Variants in DSCAM observed in about 807,000 individuals in gnomAD.
DSCAM encodes DS cell adhesion molecule, also known as cell adhesion molecule DSCAM.
In DSCAM, 47 loss-of-function variants were observed where a neutral mutation model predicts 217.7. The observed-to-expected ratio is 0.22, with a 90% CI of 0.17 to 0.28. DSCAM has a LOEUF of 0.28. Ranked by LOEUF, DSCAM falls within the 10% of genes least tolerant of loss-of-function variation. DSCAM has a pLI of 1.00. For synonymous variants in DSCAM, 1,056 were observed against 1,015.3 expected (o/e 1.04, Z -0.76); for missense variants, 2,080 against 2,618.3 (o/e 0.79, Z 4.49).
intron 3 of DSCAM, among the ~76,000 whole-genome samples, chr21:40,630,408 C>T (rs188485177): frequency 2.0e-5 from 3 of 152,250 alleles, no homozygotes; most frequent in East Asian, 3.9e-4. Context: ...AAGAGATTCT[C>T]GTGCCTCAGC....
chr21:40,398,501 C>T (rs1218782502), intron 3 of DSCAM, among the ~76,000 whole-genome samples: 1 of 151,866 alleles, frequency 6.6e-6, no homozygotes, highest in Non-Finnish European at 1.5e-5. Flanking sequence ...ATGATTGGAG[C>T]TGGACTTAAA....
At chr21:40,170,457 C>A (rs1354560301) in intron 15 of DSCAM, among the ~76,000 whole-genome samples, 1 of 152,214 alleles carries the variant, frequency 6.6e-6, no homozygotes, top group Non-Finnish European at 1.5e-5. Context: ...TGGAGTGCTA[C>A]AGCCTCTCAG....
chr21:40,784,293 T>C (rs2091573682), intron 1 of DSCAM, among the ~76,000 whole-genome samples: 1 of 152,118 alleles, frequency 6.6e-6, no homozygotes, highest in Non-Finnish European at 1.5e-5. Flanking sequence ...CAAGATCTCA[T>C]GGTTTTATAA....
At chr21:40,667,011 T>C (rs1046513087) in intron 3 of DSCAM, among the ~76,000 whole-genome samples, 5 of 152,174 alleles carry the variant, frequency 3.3e-5, no homozygotes, top group Non-Finnish European at 7.4e-5. Context: ...AGCTGCTTCA[T>C]GTATCCCCAC....
chr21:40,121,998 A>G (rs936313756), intron 20 of DSCAM, among the ~76,000 whole-genome samples: 4 of 152,010 alleles, frequency 2.6e-5, no homozygotes, highest in African/African-American at 9.7e-5. Context: ...GCTGGCCCTC[A>G]TTACTGTCCC....
At chr21:40,718,531 C>G (rs2090867876) in intron 1 of DSCAM, among the ~76,000 whole-genome samples, 1 of 152,156 alleles carries the variant, frequency 6.6e-6, no homozygotes, top group Non-Finnish European at 1.5e-5. Context: ...AGGAAAACTT[C>G]TAACAACCGT....
At chr21:40,337,833 T>C (rs919283672) in intron 8 of DSCAM, among the ~76,000 whole-genome samples, 1 of 152,040 alleles carries the variant, frequency 6.6e-6, no homozygotes, top group African/African-American at 2.4e-5. Flanking sequence ...GATGTGCTCC[T>C]TTTTTTTCTG....
In DSCAM at chr21:40,084,114, GT is replaced by G. The variant is rs1183338725; in HGVS notation, c.4133-109del. 4 of 823,536 alleles carry G rather than the reference GT, an allele frequency of 4.9e-6. No homozygotes were observed. In the East Asian group the frequency reaches 1.2e-4, roughly 24 times the overall value. 51.0% of individuals were successfully genotyped at this position (823,536 alleles called of 1,614,324 possible). ...TTTAACAGCCATTTATTAAATAAGTGTTTCAGTTTGCCAAAATATACAATTC... is the reference window on the plus strand; with the variant it reads ...TTTAACAGCCATTTATTAAATAAGTGTTCAGTTTGCCAAAATATACAATTC... On this transcript the variant is annotated intron_variant, in intron 23 of 32. Coordinates refer to ENST00000400454, the MANE Select transcript of DSCAM (RefSeq NM_001389.5).
intron 3 of DSCAM, among the ~76,000 whole-genome samples, chr21:40,504,944 C>T (rs1308444185): frequency 6.6e-6 from 1 of 152,188 alleles, no homozygotes; most frequent in East Asian, 1.9e-4. Context: ...GCTCTCATGT[C>T]TGCCTCTGAG....
chr21:40,303,834 G>A (rs1201625865), intron 9 of DSCAM, among the ~76,000 whole-genome samples: 1 of 152,064 alleles, frequency 6.6e-6, no homozygotes, highest in East Asian at 1.9e-4. Flanking sequence ...TCTCTATGTG[G>A]CAGTTCACCA....
At chr21:40,484,213 A>G (rs951693873) in intron 3 of DSCAM, among the ~76,000 whole-genome samples, 1 of 152,326 alleles carries the variant, frequency 6.6e-6, no homozygotes, top group African/African-American at 2.4e-5. Context: ...TCTCAAATAT[A>G]TTGTCCGGCA....
intron 3 of DSCAM, among the ~76,000 whole-genome samples, chr21:40,411,594 A>G (rs993600587): frequency 8.5e-5 from 13 of 152,196 alleles, no homozygotes; most frequent in African/African-American, 3.1e-4. Context: ...TAAGGCAAAC[A>G]AAAAATCTCA....
chr21:40,686,412 T>G (rs2090478926), intron 3 of DSCAM, among the ~76,000 whole-genome samples: 1 of 151,358 alleles, frequency 6.6e-6, no homozygotes, highest in Non-Finnish European at 1.5e-5. Context: ...CACACACGTA[T>G]GCACACACCA....
chr21:40,310,022 G>C (rs901169856), intron 9 of DSCAM, among the ~76,000 whole-genome samples: 3 of 152,198 alleles, frequency 2.0e-5, no homozygotes, highest in African/African-American at 7.2e-5. Context: ...GGCTGGAACT[G>C]AGACTTGGCT....
intron 3 of DSCAM, among the ~76,000 whole-genome samples, chr21:40,536,558 C>T (rs1017114241): frequency 1.2e-4 from 18 of 152,060 alleles, no homozygotes; most frequent in Non-Finnish European, 2.1e-4. Context: ...CCCACCACCA[C>T]GCCTGGCTAA....
intron 3 of DSCAM, among the ~76,000 whole-genome samples, chr21:40,648,992 G>T (rs2089983114): frequency 6.6e-6 from 1 of 152,210 alleles, no homozygotes; most frequent in Non-Finnish European, 1.5e-5. Flanking sequence ...GCCCGGGGCT[G>T]AGCAAGGCCC....
intron 5 of DSCAM, among the ~76,000 whole-genome samples, chr21:40,349,836 A>G (rs1381216083): frequency 6.6e-6 from 1 of 152,206 alleles, no homozygotes; most frequent in African/African-American, 2.4e-5. Flanking sequence ...AAATTATGGA[A>G]AACGAAAAAT....
chr21:40,623,380 A>T (rs2089549757), intron 3 of DSCAM, among the ~76,000 whole-genome samples: 1 of 152,218 alleles, frequency 6.6e-6, no homozygotes, highest in South Asian at 2.1e-4. Flanking sequence ...AAAAATTGTG[A>T]TGTGTATATG....
chr21:40,248,566 C>T (rs559101332), intron 11 of DSCAM, among the ~76,000 whole-genome samples: 35 of 152,322 alleles, frequency 2.3e-4, no homozygotes, highest in African/African-American at 7.5e-4. Flanking sequence ...CTGAGACCAC[C>T]TCAGCCTGAC....
Sources: allele counts gnomAD v4.1 joint callset (sites outside exome capture counted in the v4.1 genomes callset), GRCh38; gene constraint gnomAD v4.1.1; transcripts MANE v1.5; gene names NCBI Gene and HGNC (gene_info 2026-07-23, HGNC 2026-07-21).